The following SLC24A2 variants were observed in gnomAD, a reference collection of about 807,000 sequenced individuals.
SLC24A2 encodes the protein solute carrier family 24 member 2.
In SLC24A2, 36 loss-of-function variants were observed where a neutral mutation model predicts 62.0. The observed-to-expected ratio is 0.58, with a 90% CI of 0.44 to 0.77. SLC24A2 has a LOEUF of 0.77. Among genes scored for constraint, SLC24A2 ranks in the 30% least tolerant of loss-of-function variants. The pLI is 0.00. For missense variants in SLC24A2, 846 were observed against 817.9 expected, an observed-to-expected ratio of 1.03 and a Z score of -0.42; for synonymous variants, 358 against 294.0, an observed-to-expected ratio of 1.22 and a Z score of -2.23.
intron 5 of SLC24A2, among the ~76,000 whole-genome samples, chr9:19,589,514 A>G (rs1165638491): frequency 1.3e-5 from 2 of 152,228 alleles, no homozygotes; most frequent in Non-Finnish European, 2.9e-5. Flanking sequence ...AAAATAGTTA[A>G]AATTAATCCA....
Position 19,515,902 on chromosome 9 carries a change from T to G in SLC24A2, c.*251A>C, listed in dbSNP as rs771784437. The G allele has an allele frequency of 4.9e-5, 24 of 493,780 alleles. No homozygotes were observed. The highest frequency in any genetic ancestry group is 6.7e-5 in the Non-Finnish European group (18 of 270,638). The allele number at this position is 493,780 out of a possible 1,614,324, so 30.6% of individuals were successfully genotyped here. ...ACCAGCGAGGTGTACTTGTCAGTGG[T>G]GAATAGGGAGAAGCCCTGTATTGAC... On this transcript the variant is annotated 3_prime_UTR_variant, in exon 11 of 11. Coordinates refer to ENST00000341998, the MANE Select transcript of SLC24A2 (RefSeq NM_020344.4).
chr9:19,621,232 T>C (rs1204012625), intron 3 of SLC24A2, among the ~76,000 whole-genome samples: 4 of 152,158 alleles, frequency 2.6e-5, no homozygotes, highest in Admixed American at 2.6e-4. Context: ...CCAGAAGAAA[T>C]CACATTGCCA....
the SLC24A2 span, among the ~76,000 whole-genome samples, chr9:20,108,052 A>G: frequency 6.6e-6 from 1 of 152,222 alleles, no homozygotes; most frequent in Non-Finnish European, 1.5e-5. Context: ...ATGAACAGAC[A>G]CTTCACAAAA....
chr9:20,270,470 C>G, the SLC24A2 span, among the ~76,000 whole-genome samples: 3 of 152,190 alleles, frequency 2.0e-5, no homozygotes, highest in Admixed American at 2.0e-4. Context: ...TTCCTCCCTT[C>G]TCTTTGCAAC....
At chr9:20,073,870 G>A in the SLC24A2 span, among the ~76,000 whole-genome samples, 1 of 102,384 alleles carries the variant, frequency 9.8e-6, no homozygotes. Context: ...GTGTGTATAT[G>A]TGCGTGTATA....
Position 19,576,976 on chromosome 9 carries a change from C to G in SLC24A2, c.1176G>C (p.Lys392Asn). 1 of 1,614,206 alleles carries G rather than the reference C, an allele frequency of 6.2e-7. No homozygotes were observed. The highest frequency in any genetic ancestry group is 2.2e-5 in the East Asian group (1 of 44,880). The change falls in exon 6 of 11, where the codon AAG (lysine) becomes AAC (asparagine). Residue 392 changes from lysine to asparagine, a missense_variant. Coordinates refer to ENST00000341998, the MANE Select transcript of SLC24A2 (RefSeq NM_020344.4). Reference sequence around the variant, plus strand: ...TCTCGTTCTCATCCACATGACATTTCTTCTTGGCGATCTTGTGGAGAATTG... The same window carrying G: ...TCTCGTTCTCATCCACATGACATTTGTTCTTGGCGATCTTGTGGAGAATTG... ...KASILHKIAKKKCHVDENERQ... is the reference protein window; with the variant it reads ...KASILHKIAKNKCHVDENERQ...
At chr9:19,635,919 G>A (rs1365925234) in intron 2 of SLC24A2, among the ~76,000 whole-genome samples, 1 of 152,214 alleles carries the variant, frequency 6.6e-6, no homozygotes, top group African/African-American at 2.4e-5. Flanking sequence ...TATGTATGCA[G>A]TAGGTGACTT....
the SLC24A2 span, among the ~76,000 whole-genome samples, chr9:19,952,187 C>A: frequency 6.6e-6 from 1 of 151,872 alleles, no homozygotes; most frequent in Non-Finnish European, 1.5e-5. Context: ...TGTATCCTTA[C>A]CAAATTCATT....
chr9:20,265,945 T>G, the SLC24A2 span, among the ~76,000 whole-genome samples: 2 of 152,188 alleles, frequency 1.3e-5, no homozygotes, highest in Non-Finnish European at 2.9e-5. Context: ...CAGTCTCCCA[T>G]AGCACTCCCA....
the SLC24A2 span, among the ~76,000 whole-genome samples, chr9:20,137,834 T>C: frequency 2.0e-5 from 3 of 152,186 alleles, no homozygotes; most frequent in Non-Finnish European, 2.9e-5. Context: ...TTGCAATAAA[T>C]TGACCACAGA....
chr9:20,231,478 T>C, the SLC24A2 span, among the ~76,000 whole-genome samples: 1 of 152,170 alleles, frequency 6.6e-6, no homozygotes, highest in African/African-American at 2.4e-5. Context: ...TCCTAGGTAT[T>C]TTATTCTCTT....
chr9:19,548,546 G>A (rs1055080949), intron 8 of SLC24A2, among the ~76,000 whole-genome samples: 1 of 152,182 alleles, frequency 6.6e-6, no homozygotes, highest in Non-Finnish European at 1.5e-5. Flanking sequence ...TAGAATAAAG[G>A]CTGGCAAAAT....
chr9:19,674,298 G>C (rs900543627), intron 2 of SLC24A2, among the ~76,000 whole-genome samples: 1 of 152,124 alleles, frequency 6.6e-6, no homozygotes, highest in African/African-American at 2.4e-5. Flanking sequence ...CAGCTCTTAA[G>C]ATTCTTTCTT....
the SLC24A2 span, among the ~76,000 whole-genome samples, chr9:20,212,702 A>G: frequency 6.6e-6 from 1 of 151,270 alleles, no homozygotes; most frequent in South Asian, 2.1e-4. Flanking sequence ...CTAACTATCT[A>G]TAGATGTATC....
At chr9:20,243,201 CA>C in the SLC24A2 span, among the ~76,000 whole-genome samples, 1 of 152,084 alleles carries the variant, frequency 6.6e-6, no homozygotes, top group Admixed American at 6.5e-5. Flanking sequence ...TCTTTTTGCA[CA>C]ATTTTTAAAA....
intron 5 of SLC24A2, among the ~76,000 whole-genome samples, chr9:19,593,101 C>T (rs1461401587): frequency 1.3e-5 from 2 of 152,220 alleles, no homozygotes; most frequent in Non-Finnish European, 2.9e-5. Flanking sequence ...ATGAACATGG[C>T]AGTGGAGACA....
At chr9:19,542,559 C>T (rs147448574) in intron 8 of SLC24A2, among the ~76,000 whole-genome samples, 1,588 of 152,226 alleles carry the variant, frequency 0.01, 31 homozygotes, top group African/African-American at 0.036. Context: ...CCATTCAGTA[C>T]GATATTGGCT....
chr9:20,250,518 C>G, the SLC24A2 span, among the ~76,000 whole-genome samples: 3 of 152,192 alleles, frequency 2.0e-5, no homozygotes, highest in Admixed American at 6.5e-5. Flanking sequence ...TGCTCAGACA[C>G]TAGACCTTGA....
intron 2 of SLC24A2, among the ~76,000 whole-genome samples, chr9:19,651,376 G>C (rs551474083): frequency 6.6e-6 from 1 of 152,198 alleles, no homozygotes; most frequent in South Asian, 2.1e-4. Context: ...GAAACAGAGA[G>C]AAATTAGACA....
Sources: allele counts gnomAD v4.1 joint callset (sites outside exome capture counted in the v4.1 genomes callset), GRCh38; gene constraint gnomAD v4.1.1; transcripts MANE v1.5; gene names NCBI Gene and HGNC (gene_info 2026-07-23, HGNC 2026-07-21).